The following FGF12 variants were observed in gnomAD, a reference collection of about 807,000 sequenced individuals.
The protein encoded by FGF12 is fibroblast growth factor 12.
Under a neutral mutation model 23.6 loss-of-function variants are expected in FGF12, and 14 were observed. The ratio of observed to expected loss-of-function variants is 0.59; its 90% CI spans 0.39 to 0.93. FGF12 has a LOEUF of 0.93. Ranked by LOEUF, FGF12 falls within the 40% of genes least tolerant of loss-of-function variation. The probability of loss-of-function intolerance (pLI) is 0.00; values close to 1 mark genes in which losing one functional copy is unlikely to be tolerated. For synonymous variants in FGF12, 62 were observed against 77.3 expected (o/e 0.80, Z 1.04); for missense variants, 175 against 217.8 (o/e 0.80, Z 1.24).
At chr3:192,323,356 T>G (rs1716646246) in intron 4 of FGF12, among the ~76,000 whole-genome samples, 1 of 152,228 alleles carries the variant, frequency 6.6e-6, no homozygotes, top group Non-Finnish European at 1.5e-5. Context: ...ATGGTATATA[T>G]GCCCAATGGA....
Position 192,141,127 on chromosome 3 carries a change from C to CAAAAAAAAAAAAAAAA in FGF12, c.*2881_*2882insTTTTTTTTTTTTTTTT, listed in dbSNP as rs1396299359. The CAAAAAAAAAAAAAAAA allele has an allele frequency of 5.6e-3, 123 of 21,842 alleles. 14 individuals carry two copies. Among genetic ancestry groups the CAAAAAAAAAAAAAAAA allele is most frequent in the East Asian group, 8.9e-3 (5 of 564 alleles). 1.4% of individuals were successfully genotyped at this position (21,842 alleles called of 1,614,324 possible). Reference sequence around the variant, plus strand: ...TCCTGGGAAAAATCCCAATGCAACTCCAAAAAAAAAAAAAAAAAAAAAAAA... The same window carrying CAAAAAAAAAAAAAAAA: ...TCCTGGGAAAAATCCCAATGCAACTCAAAAAAAAAAAAAAAACAAAAAAAAAAAAAAAAAAAAAAAA... On this transcript the variant is annotated 3_prime_UTR_variant, in exon 6 of 6. Coordinates refer to ENST00000445105, the MANE Select transcript of FGF12 (RefSeq NM_004113.6).
intron 4 of FGF12, among the ~76,000 whole-genome samples, chr3:192,217,901 A>T (rs755662596): frequency 6.6e-6 from 1 of 151,340 alleles, no homozygotes; most frequent in Non-Finnish European, 1.5e-5. Flanking sequence ...CAATGGCATG[A>T]TCTCGGCTCA....
chr3:192,284,269 G>A (rs1276386204), intron 4 of FGF12, among the ~76,000 whole-genome samples: 1 of 152,004 alleles, frequency 6.6e-6, no homozygotes, highest in African/African-American at 2.4e-5. Flanking sequence ...TTTTACCTTT[G>A]GTGACATGCT....
chr3:192,184,901 A>C (rs1220825927), intron 4 of FGF12, among the ~76,000 whole-genome samples: 1 of 152,238 alleles, frequency 6.6e-6, no homozygotes, highest in African/African-American at 2.4e-5. Context: ...TTACCACCAG[A>C]TTGCTAAATC....
intron 2 of FGF12, among the ~76,000 whole-genome samples, chr3:192,682,647 G>A (rs115287130): frequency 0.029 from 4,421 of 152,188 alleles, 221 homozygotes; most frequent in African/African-American, 0.1. Context: ...ATGGAGACTC[G>A]AAACCTTTGA....
rs34803297 is a variant in FGF12 at position 192,464,499 on chromosome 3, G to GGTGTGT, written c.14-103967_14-103962dup. On this transcript the variant is annotated intron_variant, in intron 2 of 5. Coordinates refer to ENST00000445105, the MANE Select transcript of FGF12 (RefSeq NM_004113.6). ...TTTTTAGGGCTGAGTAGTATTCCAT[G>GGTGTGT]GTGTGTGTGTGTGTGTGTGTGTGTG... 4.1e-3 allele frequency among the ~76,000 whole-genome samples: 542 copies of GGTGTGT among 132,668 alleles called. 4 individuals carry two copies. The highest frequency in any genetic ancestry group is 0.023 in the Middle Eastern group (6 of 260). The allele number at this position is 132,668 out of a possible 152,430, so 87.0% of individuals were successfully genotyped here.
At position 192,143,354 on chromosome 3, in the gene FGF12, G is replaced by T. The variant is rs1713515001; in HGVS notation, c.*655C>A. On this transcript the variant is annotated 3_prime_UTR_variant, in exon 6 of 6. Coordinates refer to ENST00000445105, the MANE Select transcript of FGF12 (RefSeq NM_004113.6). ...ATTAAGGCTATTCGATGCCATACAAGATTTTCCTTTTACATAAAACAATCT... is the reference window on the plus strand; with the variant it reads ...ATTAAGGCTATTCGATGCCATACAATATTTTCCTTTTACATAAAACAATCT... 6.6e-6 allele frequency: 1 copy of T among 151,816 alleles called. No individual in the cohort carries two copies. Among genetic ancestry groups the T allele is most frequent in the Admixed American group, 6.6e-5 (1 of 15,232 alleles). The allele number at this position is 151,816 out of a possible 1,614,324, so 9.4% of individuals were successfully genotyped here.
intron 4 of FGF12, among the ~76,000 whole-genome samples, chr3:192,259,950 T>C (rs1006667488): frequency 2.6e-5 from 4 of 152,156 alleles, no homozygotes; most frequent in East Asian, 1.9e-4. Context: ...ATGTCTCTAA[T>C]GGTTGAATGT....
intron 2 of FGF12, among the ~76,000 whole-genome samples, chr3:192,634,078 C>T (rs1002468364): frequency 5.3e-5 from 8 of 152,208 alleles, no homozygotes; most frequent in Admixed American, 6.5e-5. Flanking sequence ...CTCTTTGCTT[C>T]AAAGGATACG....
intron 2 of FGF12, among the ~76,000 whole-genome samples, chr3:192,389,823 T>C (rs1457440873): frequency 6.6e-6 from 1 of 152,218 alleles, no homozygotes; most frequent in Non-Finnish European, 1.5e-5. Flanking sequence ...AAATAAATAT[T>C]ATATGTCTGA....
chr3:192,252,422 C>A lies in FGF12; in HGVS notation c.229-81766G>T, dbSNP rs1180268307. Reference sequence around the variant, plus strand: ...AGGTTGCAGTGAGCCCAGATCATGCCCCTGCACTCCAGCCTGGGTAATGGA... The same window carrying A: ...AGGTTGCAGTGAGCCCAGATCATGCACCTGCACTCCAGCCTGGGTAATGGA... On this transcript the variant is annotated intron_variant, in intron 4 of 5. Coordinates refer to ENST00000445105, the MANE Select transcript of FGF12 (RefSeq NM_004113.6). Among the ~76,000 whole-genome samples the A allele has an allele frequency of 5.3e-5, 7 of 131,374 alleles. No homozygotes were observed. The East Asian group carries it at 2.0e-3, about 38-fold the overall frequency. The allele number at this position is 131,374 out of a possible 152,430, so 86.2% of individuals were successfully genotyped here. A position where few individuals can be genotyped will look rare whatever the true frequency, so the allele number is the denominator to read the frequency against.
chr3:192,722,501 C>A (rs1477578407), intron 2 of FGF12, among the ~76,000 whole-genome samples: 1 of 152,032 alleles, frequency 6.6e-6, no homozygotes, highest in African/African-American at 2.4e-5. Flanking sequence ...AAATCTAGAA[C>A]AAAGAATTGA....
chr3:192,228,581 C>T (rs2108581328), intron 4 of FGF12, among the ~76,000 whole-genome samples: 1 of 152,144 alleles, frequency 6.6e-6, no homozygotes, highest in South Asian at 2.1e-4. Flanking sequence ...TTATCACAAT[C>T]ACCATGCCCT....
At chr3:192,722,682 T>C (rs1328838736) in intron 2 of FGF12, among the ~76,000 whole-genome samples, 1 of 152,172 alleles carries the variant, frequency 6.6e-6, no homozygotes, top group Non-Finnish European at 1.5e-5. Context: ...CTAAAAAAAC[T>C]AATTAAGGCT....
intron 4 of FGF12, among the ~76,000 whole-genome samples, chr3:192,247,032 A>AGAAGGAAGGAAAGAAGGAAGGAAGGAAG (rs1195304406): frequency 1.2e-5 from 1 of 86,320 alleles, no homozygotes; most frequent in Non-Finnish European, 2.4e-5. Context: ...AGGGAAGGAA[A>AGAAGGAAGGAAAGAAGGAAGGAAGGAAG]GAAGGAAGGA....
At chr3:192,332,121 C>G (rs1361308047) in intron 4 of FGF12, among the ~76,000 whole-genome samples, 10 of 152,012 alleles carry the variant, frequency 6.6e-5, no homozygotes, top group Non-Finnish European at 1.3e-4. Context: ...TATAACATAA[C>G]TAATTGTGCA....
At chr3:192,508,265 ATCTT>A (rs752749790) in intron 2 of FGF12, among the ~76,000 whole-genome samples, 14 of 152,224 alleles carry the variant, frequency 9.2e-5, no homozygotes, top group Non-Finnish European at 1.8e-4. Context: ...AAGTCACAGT[ATCTT>A]TCTGATTGTC....
intron 4 of FGF12, among the ~76,000 whole-genome samples, chr3:192,298,615 T>C (rs1367599825): frequency 6.6e-6 from 1 of 152,102 alleles, no homozygotes; most frequent in Non-Finnish European, 1.5e-5. Flanking sequence ...TAGCCAGGTG[T>C]GGTGCATGTC....
chr3:192,677,146 C>A (rs188969983), intron 2 of FGF12, among the ~76,000 whole-genome samples: 2 of 152,190 alleles, frequency 1.3e-5, no homozygotes. Flanking sequence ...AAAGTCCACA[C>A]CTCAACACAT....
Sources: gnomAD v4.1 joint callset for allele counts (sites outside exome capture counted in the v4.1 genomes callset) on GRCh38, gnomAD v4.1.1 for gene constraint, MANE v1.5 for transcripts, NCBI Gene and HGNC (gene_info 2026-07-23, HGNC 2026-07-21) for gene names.